Variants in MRC1 observed in about 807,000 individuals in gnomAD.
MRC1 encodes mannose receptor C-type 1.
Under a neutral mutation model 102.9 loss-of-function variants are expected in MRC1, and 62 were observed. The observed-to-expected ratio is 0.60, with a 90% CI of 0.49 to 0.74. The LOEUF (loss-of-function observed/expected upper bound fraction) is 0.74, where lower values mean the gene tolerates loss of function less well. MRC1 is among the 30% of genes least tolerant of loss of function. The pLI, the probability that MRC1 is intolerant of heterozygous loss-of-function variation, is 0.00. For synonymous variants in MRC1, 457 were observed against 298.4 expected, an observed-to-expected ratio of 1.53 and a Z score of -5.48; for missense variants, 1,237 against 862.8, an observed-to-expected ratio of 1.43 and a Z score of -5.43.
At chr10:17,809,604 G>A (rs1468442469) in intron 1 of MRC1, 78 bp downstream of exon 1, 1 of 847,986 alleles carries the variant, frequency 1.2e-6, no homozygotes, top group African/African-American at 1.6e-5. Context: ...TACTGTGAAT[G>A]GGTTCCTTTC....
intron 2 of MRC1, among the ~76,000 whole-genome samples, chr10:17,826,396 T>C (rs1838476377): frequency 6.6e-6 from 1 of 152,126 alleles, no homozygotes; most frequent in Admixed American, 6.5e-5. Context: ...GGAGACAGGG[T>C]TTCACCATTT....
chr10:17,823,279 T>C lies in MRC1; in HGVS notation c.267T>C (p.Tyr89=), dbSNP rs927373932. 126 of 780,660 alleles carry C rather than the reference T, an allele frequency of 1.6e-4. No individual in the cohort carries two copies. Among genetic ancestry groups the C allele is most frequent in the African/African-American group, 1.1e-3 (65 of 59,242 alleles). The allele number at this position is 780,660 out of a possible 1,614,324, so 48.4% of individuals were successfully genotyped here. The change falls in exon 2 of 30, where the codon TAT becomes TAC. Residue 89 remains tyrosine, a synonymous_variant. Coordinates refer to ENST00000569591, the MANE Select transcript of MRC1 (RefSeq NM_002438.4). ...SKTDWVAITL[Y]ACDSKSEFQK... ...CGGACTGGGTTGCTATCACTCTCTA[T>C]GCCTGTGACTCAAAAAGTGAATTTC...
intron 17 of MRC1, 92 bp downstream of exon 17, chr10:17,875,345 T>C (rs2130682894): frequency 1.3e-6 from 1 of 753,614 alleles, no homozygotes; most frequent in East Asian, 2.4e-5. Context: ...TGGTGATTTC[T>C]GAGATTTTGG....
At chr10:17,906,291 C>T (rs1041206785) in intron 26 of MRC1, among the ~76,000 whole-genome samples, 9 of 149,252 alleles carry the variant, frequency 6.0e-5, no homozygotes, top group African/African-American at 9.9e-5. Flanking sequence ...CGAGACCTAA[C>T]CCATGTCTTT....
At chr10:17,907,366 T>G (rs1287182801) in intron 27 of MRC1, among the ~76,000 whole-genome samples, 168 bp from the exon 28 acceptor site, 1 of 152,246 alleles carries the variant, frequency 6.6e-6, no homozygotes, top group Non-Finnish European at 1.5e-5. Context: ...TTCGTTTCCT[T>G]CCCTGTAATA....
At chr10:17,833,631 T>G in intron 3 of MRC1, 44 bp from the exon 4 acceptor site, 2 of 780,984 alleles carry the variant, frequency 2.6e-6, no homozygotes, top group Non-Finnish European at 4.8e-6. Flanking sequence ...CTGGAAGTGT[T>G]TTCTATGCAT....
At chr10:17,830,016 A>T (rs1838545146) in intron 3 of MRC1, among the ~76,000 whole-genome samples, 1 of 151,634 alleles carries the variant, frequency 6.6e-6, no homozygotes, top group African/African-American at 2.4e-5. Context: ...TTTGGTTTCA[A>T]TATGCATTAA....
rs1838189922 is a variant in MRC1, at chr10:17,809,472, C to T, written c.7C>T (p.Leu3=). Reference sequence around the variant, plus strand: ...AAAGGATAAACCCTGGGCCATGAGGCTACCCCTGCTCCTGGTTTTTGCCTC... The same window carrying T: ...AAAGGATAAACCCTGGGCCATGAGGTTACCCCTGCTCCTGGTTTTTGCCTC... MR[L]PLLLVFASVI... Residue 3 remains leucine, a synonymous_variant, in exon 1 of 30, where the codon CTA becomes TTA. Transcript: ENST00000569591. The T allele has an allele frequency of 1.6e-5, 14 of 872,656 alleles. No homozygotes were observed. The highest frequency in any genetic ancestry group is 2.8e-5 in the Non-Finnish European group (14 of 501,524). The allele number at this position is 872,656 out of a possible 1,614,324, so 54.1% of individuals were successfully genotyped here.
At chr10:17,837,746 A>G (rs1206064444) in intron 4 of MRC1, among the ~76,000 whole-genome samples, 1 of 151,858 alleles carries the variant, frequency 6.6e-6, no homozygotes, top group Admixed American at 6.6e-5. Flanking sequence ...GGCTACAGGC[A>G]TGTGCCACCA....
rs1838735895 is a variant in MRC1, at chr10:17,840,588, C to A, written c.803-105C>A. 1.2e-4 allele frequency: 92 copies of A among 744,994 alleles called. No homozygotes were observed. The South Asian group carries it at 1.3e-3, about 11-fold the overall frequency. The allele number at this position is 744,994 out of a possible 1,614,324, so 46.1% of individuals were successfully genotyped here. A position where few individuals can be genotyped will look rare whatever the true frequency, so the allele number is the denominator to read the frequency against. On this transcript the variant is annotated intron_variant, in intron 4 of 29. Coordinates refer to ENST00000569591, the MANE Select transcript of MRC1 (RefSeq NM_002438.4). ...ATGGTAGGCATGATTATTGTTACTT[C>A]CCTCAGTGACATTTTGATTCAAGCA...
intron 17 of MRC1, 93 bp from the exon 18 acceptor site, chr10:17,877,807 G>T: frequency 1.2e-6 from 1 of 846,074 alleles, no homozygotes; most frequent in East Asian, 2.4e-5. Context: ...ATAAGGTTTC[G>T]ATTAGGCTGC....
At chr10:17,875,055 A>T in intron 16 of MRC1, 35 bp from the exon 17 acceptor site, 4 of 780,738 alleles carry the variant, frequency 5.1e-6, no homozygotes, top group Non-Finnish European at 9.6e-6. Flanking sequence ...ATTTGTCTGC[A>T]TAAAACTCAT....
At chr10:17,877,128 C>A (rs1208411718) in intron 17 of MRC1, among the ~76,000 whole-genome samples, 1 of 148,868 alleles carries the variant, frequency 6.7e-6, no homozygotes, top group African/African-American at 2.5e-5. Flanking sequence ...TGAAATGGTA[C>A]ATTATAATGA....
intron 10 of MRC1, 135 bp from the exon 11 acceptor site, chr10:17,863,399 A>G (rs1374775411): frequency 2.9e-6 from 2 of 691,880 alleles, no homozygotes; most frequent in Admixed American, 2.1e-5. Flanking sequence ...ACATACAAAT[A>G]TAACACAATA....
chr10:17,837,691 C>T (rs1470677555), intron 4 of MRC1, among the ~76,000 whole-genome samples: 1 of 151,756 alleles, frequency 6.6e-6, no homozygotes, highest in Non-Finnish European at 1.5e-5. Flanking sequence ...TGCAGTGGCA[C>T]TAGGACTTAA....
At position 17,809,442 on chromosome 10, in the gene MRC1, G is replaced by A; in HGVS notation, c.-24G>A. On this transcript the variant is annotated 5_prime_UTR_variant, in exon 1 of 30. Coordinates refer to ENST00000569591, the MANE Select transcript of MRC1 (RefSeq NM_002438.4). ...AGTTCCGCCCTCCTGTCCATCAGGA[G>A]AAGGAAAGGATAAACCCTGGGCCAT... is the stretch of plus-strand genomic sequence containing the variant. The A allele has an allele frequency of 1.1e-6, 1 of 872,724 alleles. No individual in the cohort carries two copies. Among genetic ancestry groups the A allele is most frequent in the Admixed American group, 1.7e-5 (1 of 59,174 alleles). The allele number at this position is 872,724 out of a possible 1,614,324, so 54.1% of individuals were successfully genotyped here. A position where few individuals can be genotyped will look rare whatever the true frequency, so the allele number is the denominator to read the frequency against.
chr10:17,850,496 A>G (rs1838898456), intron 7 of MRC1, among the ~76,000 whole-genome samples: 1 of 152,126 alleles, frequency 6.6e-6, no homozygotes, highest in African/African-American at 2.4e-5. Context: ...AATTAAAAAT[A>G]CACAGAAAAT....
intron 21 of MRC1, among the ~76,000 whole-genome samples, chr10:17,883,473 T>G (rs1564623350): frequency 2.0e-5 from 3 of 151,772 alleles, no homozygotes; most frequent in Non-Finnish European, 4.4e-5. Context: ...TGGAAGAGTT[T>G]TTTTTTTTTT....
chr10:17,818,322 A>G (rs2436679), intron 1 of MRC1, among the ~76,000 whole-genome samples: 1 of 152,246 alleles, frequency 6.6e-6, no homozygotes, highest in Non-Finnish European at 1.5e-5. Flanking sequence ...GAGATTATTT[A>G]TGCTCCCCAA....
Sources: allele counts gnomAD v4.1 joint callset (sites outside exome capture counted in the v4.1 genomes callset), GRCh38; gene constraint gnomAD v4.1.1; transcripts MANE v1.5; gene names NCBI Gene and HGNC (gene_info 2026-07-23, HGNC 2026-07-21).